The following KPNA4 variants were observed in gnomAD, a reference collection of about 807,000 sequenced individuals.
KPNA4 encodes karyopherin subunit alpha 4.
In KPNA4, 13 loss-of-function variants were observed where a neutral mutation model predicts 71.3. The ratio of observed to expected loss-of-function variants is 0.18; its 90% CI spans 0.12 to 0.29. The LOEUF (loss-of-function observed/expected upper bound fraction) is 0.29, where lower values mean the gene tolerates loss of function less well. Ranked by LOEUF, KPNA4 falls within the 10% of genes least tolerant of loss-of-function variation. The pLI is 1.00. For missense variants in KPNA4, 334 were observed against 603.2 expected, an observed-to-expected ratio of 0.55 and a Z score of 4.67; for synonymous variants, 189 against 195.2, an observed-to-expected ratio of 0.97 and a Z score of 0.26.
chr3:160,530,602 A>C (rs992575330), intron 7 of KPNA4, among the ~76,000 whole-genome samples: 3 of 152,220 alleles, frequency 2.0e-5, no homozygotes, highest in African/African-American at 7.2e-5. Context: ...AACAATAATA[A>C]TGTAATCTGC....
chr3:160,522,060 T>A (rs1721359502), intron 10 of KPNA4, 150 bp from the exon 11 acceptor site: 1 of 652,584 alleles, frequency 1.5e-6, no homozygotes, highest in Admixed American at 2.9e-5. Flanking sequence ...CGCTACGGTA[T>A]TAAACATCAT....
intron 10 of KPNA4, among the ~76,000 whole-genome samples, 158 bp from the exon 11 acceptor site, chr3:160,522,068 C>A (rs186905509): frequency 6.6e-6 from 1 of 152,234 alleles, no homozygotes; most frequent in Non-Finnish European, 1.5e-5. Flanking sequence ...TATTAAACAT[C>A]ATCATCTATA....
intron 11 of KPNA4, among the ~76,000 whole-genome samples, chr3:160,515,948 C>A (rs1721209037): frequency 2.0e-5 from 3 of 151,908 alleles, no homozygotes; most frequent in South Asian, 2.1e-4. Flanking sequence ...TGTTAGGTAC[C>A]TTATAAAAGA....
rs1029915296 is a variant in KPNA4, at chr3:160,565,424, G to A, written c.-142C>T. The A allele has an allele frequency of 6.1e-6, 4 of 653,578 alleles. No homozygotes were observed. The African/African-American group carries it at 7.6e-5, about 12-fold the overall frequency. The allele number at this position is 653,578 out of a possible 1,614,324, so 40.5% of individuals were successfully genotyped here. A position where few individuals can be genotyped will look rare whatever the true frequency, so the allele number is the denominator to read the frequency against. ...CGCCGCTTCCTTCCTCCTCTCACCT[G>A]CCTCCGCCGCGGCCTTCTCCTCTCC... is the stretch of plus-strand genomic sequence containing the variant. On this transcript the variant is annotated 5_prime_UTR_variant, in exon 1 of 17. Coordinates refer to ENST00000334256, the MANE Select transcript of KPNA4 (RefSeq NM_002268.5).
At chr3:160,549,986 A>G (rs1722005485) in intron 1 of KPNA4, among the ~76,000 whole-genome samples, 1 of 152,146 alleles carries the variant, frequency 6.6e-6, no homozygotes, top group Non-Finnish European at 1.5e-5. Context: ...TTTTTCTGAC[A>G]CTATTGGAAA....
Position 160,535,761 on chromosome 3 carries a change from T to G in KPNA4, c.204+47A>C, listed in dbSNP as rs778131467. 1.9e-6 allele frequency: 3 copies of G among 1,564,088 alleles called. No homozygotes were observed. In the Admixed American group the frequency reaches 6.7e-5, roughly 35 times the overall value. On this transcript the variant is annotated intron_variant, in intron 3 of 16. Coordinates refer to ENST00000334256, the MANE Select transcript of KPNA4 (RefSeq NM_002268.5). ...AAATTCTCTTATTAATGTGAAATCT[T>G]TCACTCGTACTTTTAAGTTACCAGA... is the stretch of plus-strand genomic sequence containing the variant.
intron 1 of KPNA4, among the ~76,000 whole-genome samples, chr3:160,554,523 GTGA>G (rs1722098078): frequency 6.6e-6 from 1 of 152,134 alleles, no homozygotes; most frequent in Admixed American, 6.5e-5. Flanking sequence ...AATCTATGCA[GTGA>G]TGAGTGTCTT....
intron 1 of KPNA4, among the ~76,000 whole-genome samples, chr3:160,545,234 T>C (rs544857623): frequency 2.6e-5 from 4 of 152,354 alleles, no homozygotes; most frequent in South Asian, 2.1e-4. Context: ...AAAATCTTCA[T>C]TGAAAGGTAA....
At chr3:160,557,778 G>A (rs376222754) in intron 1 of KPNA4, among the ~76,000 whole-genome samples, 13 of 152,262 alleles carry the variant, frequency 8.5e-5, no homozygotes, top group Admixed American at 3.9e-4. Context: ...GGGCTCAAGC[G>A]ATCCTCCTGC....
chr3:160,549,452 T>A (rs541566220), intron 1 of KPNA4, among the ~76,000 whole-genome samples: 4 of 152,242 alleles, frequency 2.6e-5, no homozygotes, highest in Non-Finnish European at 5.9e-5. Context: ...TTGATTTTTG[T>A]ATATAGTACA....
chr3:160,530,879 G>A lies in KPNA4; in HGVS notation c.445C>T (p.Gln149Ter), dbSNP rs1188978419. The A allele has an allele frequency of 6.2e-7, 1 of 1,611,918 alleles. No homozygotes were observed. The highest frequency in any genetic ancestry group is 8.5e-7 in the Non-Finnish European group (1 of 1,178,832). ...CTGGACTGAACTACTGCTTGAGTTT[G>A]TTCAGAAGTTCCAGATGCAATGTTT... is the stretch of plus-strand genomic sequence containing the variant. ...LTNIASGTSE[Q>*]TQAVVQSNAV... The change falls in exon 7 of 17, where the codon CAA (glutamine) becomes TAA (stop). Residue 149 changes from glutamine (Q) to a stop codon, truncating the protein, a stop_gained. Coordinates refer to ENST00000334256, the MANE Select transcript of KPNA4 (RefSeq NM_002268.5). LOFTEE classifies it high-confidence loss of function.
At chr3:160,560,489 T>A (rs1028163484) in intron 1 of KPNA4, among the ~76,000 whole-genome samples, 1 of 151,638 alleles carries the variant, frequency 6.6e-6, no homozygotes, top group Non-Finnish European at 1.5e-5. Context: ...TTCATCATTA[T>A]AGGCCTCAAA....
At chr3:160,522,272 G>T (rs1721364190) in intron 10 of KPNA4, among the ~76,000 whole-genome samples, 1 of 152,214 alleles carries the variant, frequency 6.6e-6, no homozygotes, top group Non-Finnish European at 1.5e-5. Flanking sequence ...AAGCTGGAAA[G>T]ACTACATGTA....
rs748420833 is a variant in KPNA4, at chr3:160,521,841, T to C, written c.841A>G (p.Ile281Val). The C allele has an allele frequency of 1.9e-6, 3 of 1,613,004 alleles. No individual in the cohort carries two copies. Among genetic ancestry groups the C allele is most frequent in the Non-Finnish European group, 1.7e-6 (2 of 1,179,746 alleles). ...AAATGAGGAACTATTCCAGAGTCTA[T>C]TACCATCTGTATTTGTTCATTGCCA... ...DAGNEQIQMV[I>V]DSGIVPHLVP... The change falls in exon 11 of 17, where the codon ATA (isoleucine) becomes GTA (valine). Residue 281 changes from isoleucine to valine, a missense_variant. Transcript: ENST00000334256.
chr3:160,536,662 TAG>T, intron 2 of KPNA4, 132 bp downstream of exon 2: 1 of 470,102 alleles, frequency 2.1e-6, no homozygotes. Flanking sequence ...TAACTAAATT[TAG>T]TAAATAAAAT....
intron 1 of KPNA4, among the ~76,000 whole-genome samples, chr3:160,555,009 A>G (rs1722109123): frequency 6.6e-6 from 1 of 152,262 alleles, no homozygotes; most frequent in Admixed American, 6.5e-5. Context: ...GGCAGAAGAC[A>G]TAACCTGTGC....
At chr3:160,565,098 G>A (rs1474971714) in intron 1 of KPNA4, 116 bp downstream of exon 1, 1 of 822,534 alleles carries the variant, frequency 1.2e-6, no homozygotes, top group Non-Finnish European at 2.0e-6. Context: ...GGCCCCTAGC[G>A]CCATTCCCCG....
intron 10 of KPNA4, among the ~76,000 whole-genome samples, chr3:160,524,824 T>C (rs1721429414): frequency 6.6e-6 from 1 of 152,252 alleles, no homozygotes; most frequent in Non-Finnish European, 1.5e-5. Flanking sequence ...TTATATATTA[T>C]GTCACTGTTT....
intron 1 of KPNA4, among the ~76,000 whole-genome samples, chr3:160,560,534 A>C (rs1722223577): frequency 6.6e-6 from 1 of 151,376 alleles, no homozygotes; most frequent in Non-Finnish European, 1.5e-5. Flanking sequence ...ATTTAAAAAT[A>C]TTTTAAGGAC....
Sources: allele counts gnomAD v4.1 joint callset (sites outside exome capture counted in the v4.1 genomes callset), GRCh38; gene constraint gnomAD v4.1.1; transcripts MANE v1.5; gene names NCBI Gene and HGNC (gene_info 2026-07-23, HGNC 2026-07-21).